TSPEAR: variants seen among roughly 807,000 people sequenced by gnomAD.
TSPEAR encodes thrombospondin-type laminin G domain and EAR repeat-containing protein.
In TSPEAR, 69 loss-of-function variants were observed where a neutral mutation model predicts 71.6. The ratio of observed to expected loss-of-function variants is 0.96; its 90% CI spans 0.79 to 1.18. The LOEUF is 1.18. TSPEAR is among the 50% of genes most tolerant of loss of function. The pLI, the probability that TSPEAR is intolerant of heterozygous loss-of-function variation, is 0.00. For missense variants in TSPEAR, 971 were observed against 894.9 expected, an observed-to-expected ratio of 1.09 and a Z score of -1.09; for synonymous variants, 402 against 387.2, an observed-to-expected ratio of 1.04 and a Z score of -0.45.
At chr21:44,557,348 G>GA (rs1287670554) in intron 2 of TSPEAR, among the ~76,000 whole-genome samples, 1 of 152,246 alleles carries the variant, frequency 6.6e-6, no homozygotes, top group African/African-American at 2.4e-5. Context: ...GGAAATGACA[G>GA]AAAGCTGAAA....
chr21:44,560,097 T>C (rs922729999), intron 2 of TSPEAR, among the ~76,000 whole-genome samples: 4 of 152,118 alleles, frequency 2.6e-5, no homozygotes, highest in Admixed American at 2.0e-4. Context: ...CCCATCTCAC[T>C]TGCAAAGACA....
chr21:44,513,595 A>G (rs967088965), intron 9 of TSPEAR, among the ~76,000 whole-genome samples: 1 of 152,032 alleles, frequency 6.6e-6, no homozygotes, highest in Non-Finnish European at 1.5e-5. Context: ...TCTTGCTGGG[A>G]TGATGGTGCT....
rs868957692 is a variant in TSPEAR at position 44,590,443 on chromosome 21, C to T, written c.83-22438G>A. ...AGGACCCTGAAAGTCTAGGCGAGGC[C>T]GCATGGGGCAGGGGGGCCCGCAGGC... is the stretch of plus-strand genomic sequence containing the variant. On this transcript the variant is annotated intron_variant, in intron 1 of 11. Coordinates refer to ENST00000323084, the MANE Select transcript of TSPEAR (RefSeq NM_144991.3). 8.6e-4 allele frequency among the ~76,000 whole-genome samples: 131 copies of T among 152,126 alleles called. 1 individual carries two copies. The Middle Eastern group carries it at 0.014, about 16-fold the overall frequency.
At chr21:44,702,825 C>T (rs1555951750) in intron 1 of TSPEAR, 4 of 1,093,618 alleles carry the variant, frequency 3.7e-6, no homozygotes, top group Middle Eastern at 2.5e-4. Context: ...CAGGGCCAGC[C>T]AGGCTCAGGT....
In TSPEAR at chr21:44,579,635, A is replaced by AGG. The variant is rs35478351; in HGVS notation, c.83-11632_83-11631dup. The AGG allele has an allele frequency of 1.3e-3, 1,565 of 1,162,350 alleles. 13 individuals are homozygous for AGG. The African/African-American group carries it at 0.022, about 16-fold the overall frequency. 72.0% of individuals were successfully genotyped at this position (1,162,350 alleles called of 1,614,324 possible). A position where few individuals can be genotyped will look rare whatever the true frequency, so the allele number is the denominator to read the frequency against. On this transcript the variant is annotated intron_variant, in intron 1 of 11. Coordinates refer to ENST00000323084, the MANE Select transcript of TSPEAR (RefSeq NM_144991.3). ...AGGATGGAGATTCCTGGGAGTATGG[A>AGG]GGGGGGGGTCACCTCAGCACATGGG... is the stretch of plus-strand genomic sequence containing the variant.
At chr21:44,688,793 C>T (rs1049161653) in intron 1 of TSPEAR, among the ~76,000 whole-genome samples, 2 of 152,144 alleles carry the variant, frequency 1.3e-5, no homozygotes, top group Non-Finnish European at 2.9e-5. Flanking sequence ...CCTGGGAGCC[C>T]CACACAGCTC....
At chr21:44,622,366 C>T (rs894089670) in intron 1 of TSPEAR, among the ~76,000 whole-genome samples, 21 of 152,088 alleles carry the variant, frequency 1.4e-4, no homozygotes, top group African/African-American at 4.6e-4. Flanking sequence ...ATTTTTTATG[C>T]CCCCATCTTC....
intron 1 of TSPEAR, among the ~76,000 whole-genome samples, chr21:44,650,865 G>A (rs9306110): frequency 0.074 from 11,261 of 152,190 alleles, 1,146 homozygotes; most frequent in African/African-American, 0.23. Flanking sequence ...AGAGGTGGAC[G>A]GAGTCCTCTG....
rs587665840 is a variant in TSPEAR, at chr21:44,505,743, G to A, written c.1755-862C>T. On this transcript the variant is annotated intron_variant, in intron 10 of 11. Coordinates refer to ENST00000323084, the MANE Select transcript of TSPEAR (RefSeq NM_144991.3). ...CCGTGTCGCACTGTGTGTCAGAATC[G>A]CCTTCCTTTCTAAGGCCGAGTAACG... 4.0e-5 allele frequency among the ~76,000 whole-genome samples: 6 copies of A among 151,056 alleles called. No homozygotes were observed. The East Asian group carries it at 5.9e-4, about 15-fold the overall frequency.
intron 1 of TSPEAR, among the ~76,000 whole-genome samples, chr21:44,675,323 A>G (rs1476476398): frequency 6.6e-6 from 1 of 152,198 alleles, no homozygotes; most frequent in Admixed American, 6.5e-5. Context: ...AAGGACAGAA[A>G]GTATATGAGC....
rs2052290156 is a variant in TSPEAR at position 44,509,363 on chromosome 21, C to G, written c.1590G>C (p.Glu530Asp). ...AGATCCTCTCCCCGATCTGGAAGAC[C>G]TCCCAGTCTGCAGCACCGAACGTCT... ...SFPTFGAADW[E>D]VFQIGERIFL... The change falls in exon 10 of 12, where the codon GAG becomes GAC. Residue 530 changes from glutamate (E) to aspartate (D), a missense_variant. Coordinates refer to ENST00000323084, the MANE Select transcript of TSPEAR (RefSeq NM_144991.3). 5 of 1,613,582 alleles carry G rather than the reference C, an allele frequency of 3.1e-6. No individual in the cohort carries two copies. The highest frequency in any genetic ancestry group is 1.3e-5 in the African/African-American group (1 of 74,810).
intron 1 of TSPEAR, among the ~76,000 whole-genome samples, chr21:44,628,819 C>G (rs1353005693): frequency 5.3e-5 from 8 of 152,174 alleles, no homozygotes; most frequent in African/African-American, 1.7e-4. Context: ...GCCATCCTGG[C>G]CTCCTGTGGA....
intron 1 of TSPEAR, among the ~76,000 whole-genome samples, chr21:44,675,184 C>T (rs1555946699): frequency 6.6e-6 from 1 of 152,152 alleles, no homozygotes; most frequent in Admixed American, 6.5e-5. Context: ...CAACAAAATA[C>T]TAGCAAACTG....
chr21:44,689,220 C>T (rs1569261119), intron 1 of TSPEAR, among the ~76,000 whole-genome samples: 1 of 152,202 alleles, frequency 6.6e-6, no homozygotes, highest in Non-Finnish European at 1.5e-5. Flanking sequence ...ATCCTAAATA[C>T]GGCCGGGCAC....
In TSPEAR at chr21:44,527,141, C is replaced by T. The variant is rs1489609412; in HGVS notation, c.1149+151G>A. The T allele has an allele frequency of 1.9e-5, 14 of 725,358 alleles. No homozygotes were observed. In the East Asian group the frequency reaches 2.7e-4, roughly 14 times the overall value. 44.9% of individuals were successfully genotyped at this position (725,358 alleles called of 1,614,324 possible). On this transcript the variant is annotated intron_variant, in intron 7 of 11. Transcript: ENST00000323084. ...TCCTGGATTTAGGGTGGTGGGCTCA[C>T]GTGTGCGACTCTGTCAGCCTTTTAC...
At chr21:44,552,456 C>G (rs879997550) in intron 2 of TSPEAR, among the ~76,000 whole-genome samples, 4 of 152,250 alleles carry the variant, frequency 2.6e-5, no homozygotes, top group African/African-American at 9.6e-5. Flanking sequence ...CTACGGCAGC[C>G]TGGGACGGGC....
intron 1 of TSPEAR, among the ~76,000 whole-genome samples, chr21:44,692,755 C>T (rs1019969594): frequency 6.6e-6 from 1 of 152,042 alleles, no homozygotes; most frequent in Non-Finnish European, 1.5e-5. Flanking sequence ...GATTAGAAGA[C>T]TTAATGTTGT....
At chr21:44,590,144 C>T (rs1979673411) in intron 1 of TSPEAR, among the ~76,000 whole-genome samples, 2 of 152,250 alleles carry the variant, frequency 1.3e-5, no homozygotes. Context: ...GGGAGGTCCT[C>T]CTGCTGGTGC....
intron 11 of TSPEAR, 122 bp from the exon 12 acceptor site, chr21:44,500,058 C>G (rs587741900): frequency 9.8e-7 from 1 of 1,015,378 alleles, no homozygotes. Flanking sequence ...CCTCTTCCAT[C>G]CCCCCGACTG....
Sources: allele counts gnomAD v4.1 joint callset (sites outside exome capture counted in the v4.1 genomes callset), GRCh38; gene constraint gnomAD v4.1.1; transcripts MANE v1.5; gene names NCBI Gene and HGNC (gene_info 2026-07-23, HGNC 2026-07-21).